The following GLMN variants were observed in gnomAD, a reference collection of about 807,000 sequenced individuals.
GLMN encodes the protein glomulin, FKBP associated protein, also known as glomulin.
Under a neutral mutation model 87.8 loss-of-function variants are expected in GLMN, and 75 were observed. The observed-to-expected ratio is 0.85, with a 90% confidence interval of 0.71 to 1.04. The LOEUF is 1.04. Ranked by LOEUF, GLMN falls within the 50% of genes least tolerant of loss-of-function variation. GLMN has a pLI of 0.00. For synonymous variants in GLMN, 206 were observed against 221.6 expected, an observed-to-expected ratio of 0.93 and a Z score of 0.63; for missense variants, 588 against 658.8, an observed-to-expected ratio of 0.89 and a Z score of 1.18.
chr1:92,303,612 A>G (rs1651014190), upstream of GLMN, among the ~76,000 whole-genome samples: 1 of 152,086 alleles, frequency 6.6e-6, no homozygotes, highest in South Asian at 2.1e-4. Flanking sequence ...GATTTAGTTA[A>G]TTTTTTAAAT....
chr1:92,279,544 G>T (rs2100977692), intron 7 of GLMN, among the ~76,000 whole-genome samples: 1 of 151,528 alleles, frequency 6.6e-6, no homozygotes, highest in Non-Finnish European at 1.5e-5. Flanking sequence ...GATCGACGCA[G>T]AAGACCAGTG....
chr1:92,346,982 C>T, the GLMN span, among the ~76,000 whole-genome samples: 1 of 152,096 alleles, frequency 6.6e-6, no homozygotes, highest in African/African-American at 2.4e-5. Flanking sequence ...CCTCTCCAGC[C>T]CTGCTTTCTC....
chr1:92,312,418 CA>C, the GLMN span, among the ~76,000 whole-genome samples: 116,581 of 146,718 alleles, frequency 0.79, 46,025 homozygotes, highest in East Asian at 0.99. Context: ...GACCGTGTCT[CA>C]AAAAAAAAAA....
intron 16 of GLMN, among the ~76,000 whole-genome samples, chr1:92,251,630 A>G (rs1393257859): frequency 6.6e-6 from 1 of 152,172 alleles, no homozygotes; most frequent in East Asian, 1.9e-4. Flanking sequence ...GAAAAATACT[A>G]TTAAAACACA....
intron 7 of GLMN, among the ~76,000 whole-genome samples, chr1:92,279,784 C>T (rs190148121): frequency 5.2e-4 from 79 of 152,378 alleles, no homozygotes; most frequent in Non-Finnish European, 9.4e-4. Context: ...TCTTAGCAAC[C>T]GGCAGACCAG....
At chr1:92,250,804 CT>C (rs1400575757) in intron 16 of GLMN, among the ~76,000 whole-genome samples, 1 of 151,990 alleles carries the variant, frequency 6.6e-6, no homozygotes, top group South Asian at 2.1e-4. Context: ...TAGTTCTTTT[CT>C]TTTTATTATT....
At chr1:92,365,648 T>A in the GLMN span, among the ~76,000 whole-genome samples, 1 of 152,200 alleles carries the variant, frequency 6.6e-6, no homozygotes, top group East Asian at 1.9e-4. Context: ...GTTTGAAAGG[T>A]TCCTCTTGAC....
In GLMN at chr1:92,253,368, C is replaced by G. The variant is rs377023806; in HGVS notation, c.1474-5379G>C. ...TTCAGCAGACAAACATTCCTGCCTGCCAGCTCTGAAGAGAGCAGCAGATCT... is the reference window on the plus strand; with the variant it reads ...TTCAGCAGACAAACATTCCTGCCTGGCAGCTCTGAAGAGAGCAGCAGATCT... On this transcript the variant is annotated intron_variant, in intron 16 of 18. Coordinates refer to ENST00000370360, the MANE Select transcript of GLMN (RefSeq NM_053274.3). Among the ~76,000 whole-genome samples, 9 of 152,194 alleles carry G rather than the reference C, an allele frequency of 5.9e-5. No homozygotes were observed. The East Asian group carries it at 1.4e-3, about 23-fold the overall frequency.
the GLMN span, among the ~76,000 whole-genome samples, chr1:92,305,802 A>T: frequency 6.6e-6 from 1 of 152,228 alleles, no homozygotes; most frequent in East Asian, 1.9e-4. Flanking sequence ...ACAGCCCACA[A>T]AATTGCGAAT....
chr1:92,272,773 T>C (rs1656372470), intron 7 of GLMN, among the ~76,000 whole-genome samples: 5 of 152,138 alleles, frequency 3.3e-5, no homozygotes, highest in Admixed American at 3.3e-4. Flanking sequence ...CAGGGCTAAA[T>C]AAAGCTTTCC....
the GLMN span, among the ~76,000 whole-genome samples, chr1:92,314,305 G>GT: frequency 6.7e-6 from 1 of 150,260 alleles, no homozygotes; most frequent in African/African-American, 2.4e-5. Context: ...CCATTGTAAG[G>GT]GTTTTTTTGT....
At chr1:92,366,041 G>T in the GLMN span, among the ~76,000 whole-genome samples, 4 of 152,174 alleles carry the variant, frequency 2.6e-5, no homozygotes, top group Non-Finnish European at 5.9e-5. Context: ...CTGAGTTGTT[G>T]AGATCTTTCC....
chr1:92,246,637 A>C lies in GLMN; in HGVS notation c.1678T>G (p.Ser560Ala). 1 of 1,543,752 alleles carries C rather than the reference A, an allele frequency of 6.5e-7. No individual in the cohort carries two copies. The highest frequency in any genetic ancestry group is 1.1e-5 in the South Asian group (1 of 89,738). ...PPEMQLKVLH[S>A]ALFTFDLIES... Reference sequence around the variant, plus strand: ...ATCAAATCAAATGTGAAAAGAGCTGAATGCAGGACCTGCAATGCCAAGAAA... The same window carrying C: ...ATCAAATCAAATGTGAAAAGAGCTGCATGCAGGACCTGCAATGCCAAGAAA... Residue 560 changes from serine to alanine, a missense_variant, in exon 19 of 19, where the codon TCA (serine) becomes GCA (alanine). Transcript: ENST00000370360.
chr1:92,309,580 TACATACACATAC>T, the GLMN span, among the ~76,000 whole-genome samples: 18,901 of 147,858 alleles, frequency 0.13, 1,338 homozygotes, highest in African/African-American at 0.15. Flanking sequence ...CATATACATA[TACATACACATAC>T]ACATACACAT....
the GLMN span, chr1:92,345,968 T>G: frequency 8.0e-7 from 1 of 1,247,010 alleles, no homozygotes; most frequent in Non-Finnish European, 1.2e-6. Context: ...GCATATTGAT[T>G]AGGGAAAAAC....
chr1:92,276,540 C>T (rs1287170819), intron 7 of GLMN, among the ~76,000 whole-genome samples: 1 of 151,670 alleles, frequency 6.6e-6, no homozygotes, highest in Non-Finnish European at 1.5e-5. Flanking sequence ...TGTGTGCCTG[C>T]AGTCCCAGCT....
At chr1:92,302,892 T>C (rs1412012825), upstream of GLMN, among the ~76,000 whole-genome samples, 1 of 151,472 alleles carries the variant, frequency 6.6e-6, no homozygotes, top group Non-Finnish European at 1.5e-5. Flanking sequence ...GAGCCACTGC[T>C]CTCGGCCCGC....
the GLMN span, among the ~76,000 whole-genome samples, chr1:92,305,575 G>C: frequency 2.7e-4 from 40 of 150,752 alleles, no homozygotes; most frequent in Non-Finnish European, 5.0e-4. Flanking sequence ...TTGTTCATCA[G>C]AAGTTTCAAA....
chr1:92,309,536 CACACAT>C, the GLMN span, among the ~76,000 whole-genome samples: 116,682 of 150,778 alleles, frequency 0.77, 45,409 homozygotes, highest in East Asian at 0.94. Context: ...TGGCAGGCTA[CACACAT>C]ACACATACAC....
Sources: gnomAD v4.1 joint callset for allele counts (sites outside exome capture counted in the v4.1 genomes callset) on GRCh38, gnomAD v4.1.1 for gene constraint, MANE v1.5 for transcripts, NCBI Gene and HGNC (gene_info 2026-07-23, HGNC 2026-07-21) for gene names.